The following SIK3 variants were observed in gnomAD, a reference collection of about 807,000 sequenced individuals.
SIK3 encodes SIK family kinase 3.
SIK3 carries 28 observed loss-of-function variants against 144.2 expected under a neutral mutation model. The observed-to-expected ratio is 0.19, with a 90% CI of 0.14 to 0.27. The LOEUF (loss-of-function observed/expected upper bound fraction) is 0.27, where lower values mean the gene tolerates loss of function less well. Ranked by LOEUF, SIK3 falls within the 10% of genes least tolerant of loss-of-function variation. The pLI, the probability that SIK3 is intolerant of heterozygous loss-of-function variation, is 1.00. For missense variants in SIK3, 1,319 were observed against 1,776.0 expected (o/e 0.74, Z 4.62); for synonymous variants, 686 against 676.3 (o/e 1.01, Z -0.22).
chr11:116,958,895 A>G (rs1949241331), intron 1 of SIK3, among the ~76,000 whole-genome samples: 1 of 152,190 alleles, frequency 6.6e-6, no homozygotes, highest in Admixed American at 6.5e-5. Flanking sequence ...CAAAACAACA[A>G]CAAAAAAAAT....
chr11:117,035,070 T>C (rs1952435470), intron 1 of SIK3, among the ~76,000 whole-genome samples: 2 of 152,218 alleles, frequency 1.3e-5, no homozygotes, highest in Non-Finnish European at 2.9e-5. Context: ...TATACCACCA[T>C]TTATTTATCT....
intron 20 of SIK3, 95 bp downstream of exon 20, chr11:116,859,170 C>T: frequency 8.7e-7 from 1 of 1,147,386 alleles, no homozygotes; most frequent in Admixed American, 2.5e-5. Flanking sequence ...TAGTCAGACC[C>T]ATTCTCCTTC....
intron 1 of SIK3, among the ~76,000 whole-genome samples, chr11:117,096,553 C>T (rs974439064): frequency 6.6e-6 from 1 of 152,172 alleles, no homozygotes; most frequent in Non-Finnish European, 1.5e-5. Context: ...CCCTGACTTC[C>T]CCTCAGGGTC....
chr11:116,846,095 C>T lies in SIK3; in HGVS notation c.*13+288G>A, dbSNP rs1411942965. Among the ~76,000 whole-genome samples, 1 of 152,224 alleles carries T rather than the reference C, an allele frequency of 6.6e-6. No homozygotes were observed. The highest frequency in any genetic ancestry group is 1.5e-5 in the Non-Finnish European group (1 of 68,040). On this transcript the variant is annotated intron_variant, in intron 24 of 24. Coordinates refer to ENST00000445177, the MANE Select transcript of SIK3 (RefSeq NM_001366686.3). The surrounding 1 kb of genome is among the most constrained non-coding windows in gnomAD (Gnocchi z 4.1). The stretch of plus-strand genomic sequence containing the variant: ...CTGGAGCCGTAGCTCACTTCTGTCG[C>T]TATGAAGGCTAGAGCACCTGTAACA...
chr11:117,039,882 T>G (rs539154702), intron 1 of SIK3, among the ~76,000 whole-genome samples: 1 of 152,334 alleles, frequency 6.6e-6, no homozygotes, highest in Non-Finnish European at 1.5e-5. Context: ...ATCCAGGTTT[T>G]CCTGACTCCA....
At chr11:117,048,523 G>GT (rs547807196) in intron 1 of SIK3, among the ~76,000 whole-genome samples, 20 of 152,220 alleles carry the variant, frequency 1.3e-4, no homozygotes, top group Non-Finnish European at 2.2e-4. Context: ...GGGCTTGGCG[G>GT]TGCATGCCTG....
At chr11:117,056,871 C>T (rs1953560279) in intron 1 of SIK3, among the ~76,000 whole-genome samples, 1 of 152,108 alleles carries the variant, frequency 6.6e-6, no homozygotes, top group Non-Finnish European at 1.5e-5. Flanking sequence ...AAAAGTCCAT[C>T]AATAGGGGAA....
chr11:116,863,596 C>G, intron 16 of SIK3, 72 bp downstream of exon 16: 1 of 1,602,614 alleles, frequency 6.2e-7, no homozygotes, highest in Non-Finnish European at 8.5e-7. Context: ...ACGTTTACCA[C>G]CCCAGTCCTC....
intron 6 of SIK3, among the ~76,000 whole-genome samples, chr11:116,888,109 C>T (rs547784910): frequency 6.6e-6 from 1 of 152,326 alleles, no homozygotes; most frequent in East Asian, 1.9e-4. Context: ...TGGAATTCAA[C>T]TTGGCTAGAA....
At chr11:116,893,414 C>A (rs1945233527) in intron 6 of SIK3, among the ~76,000 whole-genome samples, 1 of 152,096 alleles carries the variant, frequency 6.6e-6, no homozygotes, top group African/African-American at 2.4e-5. Flanking sequence ...CAGTAGCTCA[C>A]ACCAATAGTC....
At chr11:117,063,462 T>C (rs1953887309) in intron 1 of SIK3, among the ~76,000 whole-genome samples, 1 of 152,146 alleles carries the variant, frequency 6.6e-6, no homozygotes, top group Non-Finnish European at 1.5e-5. Context: ...AACCAAACCG[T>C]AGAACCTAGT....
At chr11:117,070,268 C>G (rs181541027) in intron 1 of SIK3, among the ~76,000 whole-genome samples, 1 of 152,182 alleles carries the variant, frequency 6.6e-6, no homozygotes, top group Admixed American at 6.5e-5. Context: ...AAATATTAGG[C>G]AAACAACTAG....
chr11:116,870,623 T>C (rs771297434), intron 13 of SIK3, among the ~76,000 whole-genome samples: 3 of 152,270 alleles, frequency 2.0e-5, no homozygotes, highest in Non-Finnish European at 4.4e-5. Flanking sequence ...TCTTCATTCA[T>C]TCATTTATTA....
intron 4 of SIK3, among the ~76,000 whole-genome samples, chr11:116,910,617 G>T (rs961912669): frequency 6.6e-6 from 1 of 152,108 alleles, no homozygotes; most frequent in African/African-American, 2.4e-5. Context: ...GCTCAAGTCA[G>T]CCTGGGAAAG....
intron 21 of SIK3, among the ~76,000 whole-genome samples, chr11:116,856,524 C>T (rs1304304672): frequency 6.6e-6 from 1 of 152,162 alleles, no homozygotes; most frequent in African/African-American, 2.4e-5. Context: ...TCCTAAACAC[C>T]CTCAGGTCTG....
At position 117,027,450 on chromosome 11, in the gene SIK3, CTGTTTGTT is replaced by C. The variant is rs749427910; in HGVS notation, c.274-70394_274-70387del. Among the ~76,000 whole-genome samples, 141 of 148,304 alleles carry C rather than the reference CTGTTTGTT, an allele frequency of 9.5e-4. No individual in the cohort carries two copies. The East Asian group carries it at 0.012, about 13-fold the overall frequency. On this transcript the variant is annotated intron_variant, in intron 1 of 24. Coordinates refer to ENST00000445177, the MANE Select transcript of SIK3 (RefSeq NM_001366686.3). Reference sequence around the variant, plus strand: ...TTCTTTTTTTTTCTTTTTTTTATATCTGTTTGTTTGTTTGTTTGTTTGTTTGAGATGGA... The same window carrying C: ...TTCTTTTTTTTTCTTTTTTTTATATCTGTTTGTTTGTTTGTTTGAGATGGA...
chr11:116,930,026 G>A (rs1271587790), intron 3 of SIK3, among the ~76,000 whole-genome samples: 2 of 151,570 alleles, frequency 1.3e-5, no homozygotes, highest in Admixed American at 1.3e-4. Flanking sequence ...ATACAAAGAA[G>A]ATAAACAAAT....
rs201033927 is a variant in SIK3 at position 117,006,854 on chromosome 11, C to CA, written c.274-49791_274-49790insT. 4.8e-3 allele frequency among the ~76,000 whole-genome samples: 725 copies of CA among 152,240 alleles called. 4 individuals are homozygous for CA. Among genetic ancestry groups the CA allele is most frequent in the Middle Eastern group, 0.01 (3 of 294 alleles). Reference sequence around the variant, plus strand: ...GAAAATAGTAACTTTCACAGGAAAGCCCTTGGCCCAGATTAATCTTGTTAT... The same window carrying CA: ...GAAAATAGTAACTTTCACAGGAAAGCACCTTGGCCCAGATTAATCTTGTTAT... On this transcript the variant is annotated intron_variant, in intron 1 of 24. Coordinates refer to ENST00000445177, the MANE Select transcript of SIK3 (RefSeq NM_001366686.3).
chr11:116,865,028 G>T (rs1447443275), intron 15 of SIK3: 1 of 152,118 alleles, frequency 6.6e-6, no homozygotes, highest in South Asian at 2.1e-4. Context: ...AAATGAGCAC[G>T]AACATGTATT....
Sources: gnomAD v4.1 joint callset for allele counts (sites outside exome capture counted in the v4.1 genomes callset) on GRCh38, gnomAD v4.1.1 for gene constraint, Gnocchi (gnomAD v3.1) non-coding constraint, MANE v1.5 for transcripts, NCBI Gene and HGNC (gene_info 2026-07-23, HGNC 2026-07-21) for gene names.